CACNA1A: variants seen among roughly 807,000 people sequenced by gnomAD.
CACNA1A encodes the protein voltage-dependent P/Q-type calcium channel subunit alpha-1A.
In CACNA1A, 57 loss-of-function variants were observed where a neutral mutation model predicts 262.4. The observed-to-expected ratio is 0.22, with a 90% confidence interval of 0.18 to 0.27. The LOEUF (loss-of-function observed/expected upper bound fraction) is 0.27, where lower values mean the gene tolerates loss of function less well. CACNA1A is among the 10% of genes least tolerant of loss of function. The pLI is 1.00. For synonymous variants in CACNA1A, 1,431 were observed against 1,419.3 expected (o/e 1.01, Z -0.18); for missense variants, 2,526 against 3,562.8 (o/e 0.71, Z 7.41).
chr19:13,223,768 G>A (rs2055328080), intron 38 of CACNA1A, among the ~76,000 whole-genome samples: 2 of 152,262 alleles, frequency 1.3e-5, no homozygotes, highest in African/African-American at 4.8e-5. Context: ...ATGAGACACT[G>A]CCTTACCTCC....
chr19:13,346,635 TATATATATATATATATATATA>T (rs2058772509), intron 6 of CACNA1A, among the ~76,000 whole-genome samples: 1 of 4,516 alleles, frequency 2.2e-4, no homozygotes, highest in Non-Finnish European at 4.9e-4. Context: ...TATATATATA[TATATATATATATATATATATA>T]TATATATATA....
At chr19:13,333,324 C>T (rs552599353) in intron 8 of CACNA1A, among the ~76,000 whole-genome samples, 1 of 152,160 alleles carries the variant, frequency 6.6e-6, no homozygotes, top group Admixed American at 6.5e-5. Flanking sequence ...GCCTGGAATG[C>T]CCCTTCCCTT....
In CACNA1A at chr19:13,275,965, G is replaced by C; in HGVS notation, c.3883-9C>G. Reference sequence around the variant, plus strand: ...AGCCCCAGGTCAATCATCTGTGGGGGAGAAGAGAGGGTGCTCAGAACCCCC... The same window carrying C: ...AGCCCCAGGTCAATCATCTGTGGGGCAGAAGAGAGGGTGCTCAGAACCCCC... On this transcript the variant is annotated splice_polypyrimidine_tract_variant and intron_variant, in intron 23 of 46. Coordinates refer to ENST00000360228, the MANE Select transcript of CACNA1A (RefSeq NM_001127222.2). 1 of 1,589,622 alleles carries C rather than the reference G, an allele frequency of 6.3e-7. No individual in the cohort carries two copies. The highest frequency in any genetic ancestry group is 8.6e-7 in the Non-Finnish European group (1 of 1,157,972).
At chr19:13,337,651 C>T (rs1159285099) in intron 6 of CACNA1A, among the ~76,000 whole-genome samples, 3 of 152,044 alleles carry the variant, frequency 2.0e-5, no homozygotes, top group Non-Finnish European at 2.9e-5. Flanking sequence ...CAATAAAACC[C>T]ATAACACATG....
intron 30 of CACNA1A, among the ~76,000 whole-genome samples, chr19:13,247,134 C>G (rs1411317574): frequency 6.6e-6 from 1 of 152,186 alleles, no homozygotes; most frequent in East Asian, 1.9e-4. Flanking sequence ...AAACACAGGG[C>G]CTTCTCAGCA....
At chr19:13,481,706 A>AT (rs1285455984) in intron 1 of CACNA1A, among the ~76,000 whole-genome samples, 1 of 151,988 alleles carries the variant, frequency 6.6e-6, no homozygotes, top group Non-Finnish European at 1.5e-5. Flanking sequence ...GGTTGCCAAG[A>AT]TAGGCTACAA....
At chr19:13,298,276 G>A (rs1202296837) in intron 19 of CACNA1A, among the ~76,000 whole-genome samples, 3 of 151,324 alleles carry the variant, frequency 2.0e-5, no homozygotes, top group Non-Finnish European at 4.4e-5. Flanking sequence ...GGCTACAGGC[G>A]CCTGCCACCG....
chr19:13,461,376 A>AAAACAAAAC lies in CACNA1A; in HGVS notation c.294-6165_294-6164insGTTTTGTTT, dbSNP rs1555790459. ...AAAACAAAACAAAACAAAACAAAAC[A>AAAACAAAAC]AAACAAAAATCACCGGTGGAGGAAA... On this transcript the variant is annotated intron_variant, in intron 1 of 46. Transcript: ENST00000360228. Among the ~76,000 whole-genome samples, 32 of 130,660 alleles carry AAAACAAAAC rather than the reference A, an allele frequency of 2.4e-4. No homozygotes were observed. In the East Asian group the frequency reaches 3.3e-3, roughly 13 times the overall value. 85.7% of individuals were successfully genotyped at this position (130,660 alleles called of 152,430 possible).
At chr19:13,265,360 T>A (rs191342770) in intron 24 of CACNA1A, among the ~76,000 whole-genome samples, 4 of 152,240 alleles carry the variant, frequency 2.6e-5, no homozygotes, top group African/African-American at 9.6e-5. Flanking sequence ...TGGGTCTCAG[T>A]ATCCAGTGCA....
At chr19:13,328,123 TTGAACGGC>T (rs1358130374) in intron 10 of CACNA1A, among the ~76,000 whole-genome samples, 4 of 152,128 alleles carry the variant, frequency 2.6e-5, no homozygotes, top group Non-Finnish European at 5.9e-5. Flanking sequence ...CAGGCTGGTC[TTGAACGGC>T]TGATCTTAGG....
intron 3 of CACNA1A, among the ~76,000 whole-genome samples, chr19:13,429,180 ACACACAC>A (rs2060457698): frequency 6.6e-6 from 1 of 150,814 alleles, no homozygotes; most frequent in Non-Finnish European, 1.5e-5. Context: ...ACACACACAC[ACACACAC>A]ACACACACAC....
intron 5 of CACNA1A, among the ~76,000 whole-genome samples, chr19:13,361,326 G>C (rs2059107124): frequency 6.6e-6 from 1 of 152,198 alleles, no homozygotes. Context: ...GTGGCAGTCA[G>C]GCTGAACGCT....
chr19:13,310,510 A>G (rs1277906474), intron 12 of CACNA1A, among the ~76,000 whole-genome samples: 2 of 43,616 alleles, frequency 4.6e-5, no homozygotes, highest in Non-Finnish European at 7.4e-5. Context: ...ATATATATAT[A>G]TATGTAGAGA....
At chr19:13,216,109 A>G (rs1472314898) in intron 38 of CACNA1A, among the ~76,000 whole-genome samples, 1 of 151,752 alleles carries the variant, frequency 6.6e-6, no homozygotes, top group Non-Finnish European at 1.5e-5. Context: ...CCCCTTTCCC[A>G]AGTCTCCACT....
At chr19:13,304,049 G>C (rs2057846706) in intron 15 of CACNA1A, among the ~76,000 whole-genome samples, 165 bp from the exon 16 acceptor site, 2 of 152,014 alleles carry the variant, frequency 1.3e-5, no homozygotes, top group Admixed American at 1.3e-4. Context: ...CTTCTCCTTG[G>C]CTTTTCTCTT....
At chr19:13,427,817 A>G (rs2060431721) in intron 3 of CACNA1A, among the ~76,000 whole-genome samples, 1 of 151,878 alleles carries the variant, frequency 6.6e-6, no homozygotes, top group Admixed American at 6.6e-5. Context: ...ATACACACAC[A>G]CTCTGGGATC....
chr19:13,451,930 T>C (rs1364967073), intron 3 of CACNA1A: 2 of 152,140 alleles, frequency 1.3e-5, no homozygotes, highest in East Asian at 1.9e-4. Context: ...TAGCTCACTG[T>C]GCCCTCCAAC....
intron 19 of CACNA1A, among the ~76,000 whole-genome samples, chr19:13,289,328 G>T (rs1396044755): frequency 6.6e-6 from 1 of 151,692 alleles, no homozygotes; most frequent in Non-Finnish European, 1.5e-5. Flanking sequence ...TTTTCTTTTT[G>T]TAGAGATGAG....
intron 3 of CACNA1A, among the ~76,000 whole-genome samples, chr19:13,445,013 G>A (rs2144897008): frequency 6.6e-6 from 1 of 152,054 alleles, no homozygotes; most frequent in East Asian, 1.9e-4. Flanking sequence ...GGTGGTACAT[G>A]CCTGTAATCC....
Sources: gnomAD v4.1 joint callset for allele counts (sites outside exome capture counted in the v4.1 genomes callset) on GRCh38, gnomAD v4.1.1 for gene constraint, MANE v1.5 for transcripts, NCBI Gene and HGNC (gene_info 2026-07-23, HGNC 2026-07-21) for gene names.